The following SYNE1 variants were observed in gnomAD, a reference collection of about 807,000 sequenced individuals.
SYNE1 encodes spectrin repeat containing nuclear envelope protein 1.
Under a neutral mutation model 1,111.0 loss-of-function variants are expected in SYNE1, and 616 were observed. That is an observed-to-expected ratio of 0.55 (90% CI 0.52 to 0.59). The LOEUF is 0.59. Ranked by LOEUF, SYNE1 falls within the 20% of genes least tolerant of loss-of-function variation. The probability of loss-of-function intolerance (pLI) is 0.00; values close to 1 mark genes in which losing one functional copy is unlikely to be tolerated. For missense variants in SYNE1, 10,006 were observed against 10,417.0 expected (o/e 0.96, Z 1.72); for synonymous variants, 3,855 against 3,825.8 (o/e 1.01, Z -0.28).
chr6:152,428,554 T>C (rs2098395994), intron 36 of SYNE1, among the ~76,000 whole-genome samples, 162 bp from the exon 37 acceptor site: 1 of 152,194 alleles, frequency 6.6e-6, no homozygotes, highest in Non-Finnish European at 1.5e-5. Context: ...GAAATGAGAC[T>C]TAGTGTTCAA....
chr6:152,331,703 G>A lies in SYNE1; in HGVS notation c.12982C>T (p.Leu4328Phe), dbSNP rs1341243066. 6.2e-7 allele frequency: 1 copy of A among 1,614,074 alleles called. No homozygotes were observed. Among genetic ancestry groups the A allele is most frequent in the Non-Finnish European group, 8.5e-7 (1 of 1,180,038 alleles). ...TSHLEQRWFQLEDLIKRKIQV... is the reference protein window; with the variant it reads ...TSHLEQRWFQFEDLIKRKIQV... ...ATTTTCCTTTTAATGAGGTCCTCAA[G>A]CTGAAACCAACGTTGCTCTAAATGA... Residue 4328 changes from leucine (L) to phenylalanine (F), a missense_variant, in exon 78 of 146, where the codon CTT (leucine) becomes TTT (phenylalanine). Around this residue, in one of 7 missense-constraint regions of SYNE1, gnomAD observed 4,955 missense variants for 5,017.2 expected, o/e 0.99. Transcript: ENST00000367255.
intron 91 of SYNE1, among the ~76,000 whole-genome samples, chr6:152,304,066 A>T (rs529644412): frequency 6.6e-6 from 1 of 152,202 alleles, no homozygotes; most frequent in Non-Finnish European, 1.5e-5. Flanking sequence ...TAAAACAAGG[A>T]TTTAAAAAGT....
chr6:152,333,546 CTA>C (rs1266148396), intron 77 of SYNE1, among the ~76,000 whole-genome samples: 4 of 152,118 alleles, frequency 2.6e-5, no homozygotes, highest in African/African-American at 9.7e-5. Context: ...AACCATGACT[CTA>C]TATCCATTTG....
At chr6:152,485,966 G>A (rs557388569) in intron 12 of SYNE1, among the ~76,000 whole-genome samples, 38 of 152,202 alleles carry the variant, frequency 2.5e-4, no homozygotes, top group Admixed American at 5.2e-4. Flanking sequence ...GGAGATCGAG[G>A]CGGGCGGATC....
At chr6:152,264,399 T>C (rs1242466379) in intron 100 of SYNE1, among the ~76,000 whole-genome samples, 2 of 151,762 alleles carry the variant, frequency 1.3e-5, no homozygotes, top group Admixed American at 1.3e-4. Context: ...ATAACAAGTG[T>C]GTTGGCAGGA....
chr6:152,619,418 G>T (rs150179590), intron 3 of SYNE1, among the ~76,000 whole-genome samples: 1 of 152,098 alleles, frequency 6.6e-6, no homozygotes, highest in Non-Finnish European at 1.5e-5. Context: ...CCTTACTTTT[G>T]GGGAGGGTTC....
chr6:152,318,296 G>A, intron 85 of SYNE1, 33 bp from the exon 86 acceptor site: 1 of 1,612,342 alleles, frequency 6.2e-7, no homozygotes, highest in Non-Finnish European at 8.5e-7. Flanking sequence ...GAACATTAGA[G>A]TACAGAAAAT....
chr6:152,538,661 T>C (rs1377891470), intron 4 of SYNE1, among the ~76,000 whole-genome samples: 2 of 149,784 alleles, frequency 1.3e-5, no homozygotes, highest in African/African-American at 2.4e-5. Flanking sequence ...CCCCAATCGA[T>C]GACAATTCCA....
intron 63 of SYNE1, among the ~76,000 whole-genome samples, chr6:152,364,086 T>C (rs894712663): frequency 3.3e-5 from 5 of 152,180 alleles, no homozygotes; most frequent in Non-Finnish European, 7.4e-5. Flanking sequence ...GCTGTTCTCG[T>C]GATAGTCAGT....
intron 130 of SYNE1, among the ~76,000 whole-genome samples, chr6:152,164,585 T>A (rs1431760269): frequency 6.6e-6 from 1 of 152,200 alleles, no homozygotes; most frequent in East Asian, 1.9e-4. Flanking sequence ...GTTTTCCCAG[T>A]GTGAGCAAGG....
At position 152,329,740 on chromosome 6, in the gene SYNE1, C is replaced by T. The variant is rs754495941; in HGVS notation, c.14945G>A (p.Arg4982His). ...TCCTATTATACCCACCTGTCTGGTG[C>T]GTAAGGCTTCCTGGATGTCTCCATC... ...ELDGDIQEAL[R>H]TRQATLTEIY... is the part of the protein sequence containing the mutation. The change falls in exon 78 of 146, where the codon CGC becomes CAC. Residue 4982 changes from arginine to histidine, a missense_variant. Coordinates refer to ENST00000367255, the MANE Select transcript of SYNE1 (RefSeq NM_182961.4). 1.9e-5 allele frequency: 31 copies of T among 1,614,038 alleles called. No homozygotes were observed. Among genetic ancestry groups the T allele is most frequent in the Admixed American group, 3.3e-5 (2 of 59,986 alleles).
intron 3 of SYNE1, among the ~76,000 whole-genome samples, chr6:152,609,695 C>T (rs2099625834): frequency 6.6e-6 from 1 of 152,166 alleles, no homozygotes; most frequent in African/African-American, 2.4e-5. Context: ...CCCCATGTAG[C>T]CTAACTGGGA....
chr6:152,376,958 G>T, intron 56 of SYNE1, 46 bp from the exon 57 acceptor site: 1 of 1,608,028 alleles, frequency 6.2e-7, no homozygotes, highest in Non-Finnish European at 8.5e-7. Flanking sequence ...TACATTGGGT[G>T]ATCTCCATAT....
intron 128 of SYNE1, among the ~76,000 whole-genome samples, chr6:152,180,694 G>A (rs1427829341): frequency 6.6e-6 from 1 of 151,854 alleles, no homozygotes; most frequent in Non-Finnish European, 1.5e-5. Context: ...AAAAGGAATA[G>A]AAAGATGAAA....
intron 14 of SYNE1, among the ~76,000 whole-genome samples, chr6:152,477,950 A>G (rs1309204108): frequency 6.6e-6 from 1 of 152,132 alleles, no homozygotes; most frequent in Non-Finnish European, 1.5e-5. Context: ...TATTTTTTGT[A>G]GAGACAGAGT....
At position 152,436,089 on chromosome 6, in the gene SYNE1, G is replaced by A. The variant is rs34028822; in HGVS notation, c.4162C>T (p.Arg1388Trp). 3.9e-3 allele frequency: 6,273 copies of A among 1,613,638 alleles called. 23 individuals are homozygous for A. The highest frequency in any genetic ancestry group is 0.013 in the Middle Eastern group (76 of 6,050). The change falls in exon 33 of 146, where the codon CGG becomes TGG. Residue 1388 changes from arginine to tryptophan, a missense_variant. Physicochemically the swap from Arg to Trp is moderately radical, Grantham distance 101. This residue lies in a region of SYNE1 where 1,971 missense variants were observed against 2,084.1 expected (regional missense o/e 0.95). Transcript: ENST00000367255. Reference protein sequence around the residue: ...ELEQTKEFSKRTESIAVQAEN... With the variant: ...ELEQTKEFSKWTESIAVQAEN... ...GCCTGGACTGCAATACTTTCTGTCC[G>A]TTTAGAAAACTCCTAGAAAAAATAT... is the stretch of plus-strand genomic sequence containing the variant.
chr6:152,627,573 G>T (rs948914411), intron 3 of SYNE1, among the ~76,000 whole-genome samples: 4 of 152,000 alleles, frequency 2.6e-5, no homozygotes, highest in Non-Finnish European at 4.4e-5. Context: ...GAGGAGAATC[G>T]CTTGAACAGG....
rs559291388 is a variant in SYNE1, at chr6:152,216,515, G to T, written c.22192-1455C>A. Reference sequence around the variant, plus strand: ...GTGAGGAGTGAGCTGACGAGGACAAGAAAACAAATCCAGAGAGAGGAAATA... The same window carrying T: ...GTGAGGAGTGAGCTGACGAGGACAATAAAACAAATCCAGAGAGAGGAAATA... On this transcript the variant is annotated intron_variant, in intron 121 of 145. Coordinates refer to ENST00000367255, the MANE Select transcript of SYNE1 (RefSeq NM_182961.4). 3.9e-5 allele frequency among the ~76,000 whole-genome samples: 6 copies of T among 152,242 alleles called. No individual in the cohort carries two copies. In the South Asian group the frequency reaches 1.2e-3, roughly 32 times the overall value.
chr6:152,329,329 C>G (rs117081093), intron 78 of SYNE1, among the ~76,000 whole-genome samples: 2,467 of 152,256 alleles, frequency 0.016, 24 homozygotes, highest in South Asian at 0.032. Flanking sequence ...AGTTTGAGAC[C>G]GGCTTGGCCA....
Sources: allele counts gnomAD v4.1 joint callset (sites outside exome capture counted in the v4.1 genomes callset), GRCh38; gene constraint gnomAD v4.1.1; regional missense constraint gnomAD v4.1.1; transcripts MANE v1.5; gene names NCBI Gene and HGNC (gene_info 2026-07-23, HGNC 2026-07-21).